The following ITGA8 variants were observed in gnomAD, a reference collection of about 807,000 sequenced individuals.
The protein encoded by ITGA8 is integrin alpha-8.
ITGA8 carries 91 observed loss-of-function variants against 142.3 expected under a neutral mutation model. The observed-to-expected ratio is 0.64, with a 90% confidence interval of 0.54 to 0.76. The LOEUF (loss-of-function observed/expected upper bound fraction) is 0.76, where lower values mean the gene tolerates loss of function less well. ITGA8 is among the 30% of genes least tolerant of loss of function. The pLI, the probability that ITGA8 is intolerant of heterozygous loss-of-function variation, is 0.00. For synonymous variants in ITGA8, 505 were observed against 485.2 expected, an observed-to-expected ratio of 1.04 and a Z score of -0.54; for missense variants, 1,406 against 1,327.7, an observed-to-expected ratio of 1.06 and a Z score of -0.92.
chr10:15,700,608 A>G (rs1004241343), intron 2 of ITGA8, among the ~76,000 whole-genome samples: 11 of 152,250 alleles, frequency 7.2e-5, no homozygotes, highest in Non-Finnish European at 1.5e-4. Context: ...AGCAGAAGAA[A>G]TAATCAGCAG....
chr10:15,684,352 A>G (rs1347679804), intron 3 of ITGA8, among the ~76,000 whole-genome samples: 3 of 152,086 alleles, frequency 2.0e-5, no homozygotes, highest in East Asian at 1.9e-4. Context: ...TGCAAAAAAA[A>G]ATGAGTTTTC....
At chr10:15,699,565 C>T (rs571903532) in intron 2 of ITGA8, among the ~76,000 whole-genome samples, 1 of 152,276 alleles carries the variant, frequency 6.6e-6, no homozygotes, top group Middle Eastern at 3.4e-3. Flanking sequence ...TTTATTTATC[C>T]ATTCCGTTTA....
intron 8 of ITGA8, among the ~76,000 whole-genome samples, chr10:15,663,500 T>C (rs2131674952): frequency 6.6e-6 from 1 of 152,282 alleles, no homozygotes; most frequent in African/African-American, 2.4e-5. Context: ...TTCCCTACAA[T>C]ATACTCTTGT....
intron 13 of ITGA8, among the ~76,000 whole-genome samples, chr10:15,618,589 C>T (rs1250656006): frequency 6.6e-6 from 1 of 152,124 alleles, no homozygotes; most frequent in African/African-American, 2.4e-5. Context: ...GGTCAGTGGA[C>T]TGGGAAAGGC....
intron 13 of ITGA8, among the ~76,000 whole-genome samples, chr10:15,626,083 G>A (rs1323131307): frequency 2.0e-5 from 3 of 152,208 alleles, no homozygotes; most frequent in African/African-American, 4.8e-5. Flanking sequence ...GATAAGATTA[G>A]GGTGGGGCAG....
chr10:15,546,583 G>A (rs76713575), intron 27 of ITGA8, among the ~76,000 whole-genome samples: 8,398 of 152,098 alleles, frequency 0.055, 751 homozygotes, highest in African/African-American at 0.19. Flanking sequence ...GTGCTGCTAA[G>A]TATCCTATAA....
intron 2 of ITGA8, among the ~76,000 whole-genome samples, chr10:15,707,401 C>T (rs1421522210): frequency 1.3e-5 from 2 of 152,124 alleles, no homozygotes; most frequent in African/African-American, 4.8e-5. Context: ...ATGTGGGTCA[C>T]CTGTAGGAGC....
chr10:15,634,338 T>C (rs1833734658), intron 13 of ITGA8, among the ~76,000 whole-genome samples: 1 of 151,898 alleles, frequency 6.6e-6, no homozygotes, highest in African/African-American at 2.4e-5. Flanking sequence ...TGCTACTAGA[T>C]GCTATTCACA....
chr10:15,556,652 C>T (rs1833894426), intron 26 of ITGA8, among the ~76,000 whole-genome samples: 1 of 152,156 alleles, frequency 6.6e-6, no homozygotes, highest in African/African-American at 2.4e-5. Flanking sequence ...GTAATGATCA[C>T]ATCAGGGTAA....
intron 2 of ITGA8, among the ~76,000 whole-genome samples, chr10:15,710,502 A>G (rs1342592335): frequency 1.3e-5 from 2 of 152,226 alleles, no homozygotes; most frequent in African/African-American, 4.8e-5. Flanking sequence ...ATAGGAGGAG[A>G]GAAGCCTGAA....
intron 2 of ITGA8, among the ~76,000 whole-genome samples, chr10:15,699,708 G>T (rs1055111776): frequency 6.6e-6 from 1 of 152,144 alleles, no homozygotes. Context: ...GACATTGCTG[G>T]GTCATAGAGA....
intron 25 of ITGA8, among the ~76,000 whole-genome samples, chr10:15,566,408 T>C (rs1350647856): frequency 6.6e-6 from 1 of 152,210 alleles, no homozygotes; most frequent in Non-Finnish European, 1.5e-5. Flanking sequence ...TAACATAGGT[T>C]ATATGTGGGC....
chr10:15,667,545 T>G (rs574271948), intron 8 of ITGA8, among the ~76,000 whole-genome samples: 1 of 152,220 alleles, frequency 6.6e-6, no homozygotes, highest in Admixed American at 6.5e-5. Flanking sequence ...CTTAGTTATT[T>G]CTTGCCTTCT....
At chr10:15,613,178 T>A (rs1162797567) in intron 15 of ITGA8, among the ~76,000 whole-genome samples, 119 of 18,898 alleles carry the variant, frequency 6.3e-3, no homozygotes, top group Middle Eastern at 0.056. Flanking sequence ...AAAAAATAAA[T>A]AAATAAATAA....
chr10:15,547,410 A>G (rs1833697862), intron 27 of ITGA8, among the ~76,000 whole-genome samples: 1 of 152,192 alleles, frequency 6.6e-6, no homozygotes, highest in Admixed American at 6.5e-5. Flanking sequence ...CATCTCTACT[A>G]AAAATACAAA....
intron 4 of ITGA8, among the ~76,000 whole-genome samples, chr10:15,681,652 C>T (rs1368833309): frequency 6.6e-6 from 1 of 152,164 alleles, no homozygotes; most frequent in Non-Finnish European, 1.5e-5. Context: ...CAAGGAGTGA[C>T]TAGTTTTATA....
chr10:15,685,519 CAGAT>C (rs1344751633), intron 3 of ITGA8, among the ~76,000 whole-genome samples: 5 of 152,112 alleles, frequency 3.3e-5, no homozygotes, highest in Non-Finnish European at 5.9e-5. Context: ...GCATGCCTAT[CAGAT>C]AGAAGTTGAA....
At chr10:15,589,836 C>T (rs535993578) in intron 22 of ITGA8, among the ~76,000 whole-genome samples, 3 of 148,612 alleles carry the variant, frequency 2.0e-5, no homozygotes, top group Admixed American at 6.8e-5. Context: ...AATCTTGACT[C>T]GCTGCAACCT....
chr10:15,520,312 C>G (rs544872794), intron 28 of ITGA8, among the ~76,000 whole-genome samples: 1 of 152,178 alleles, frequency 6.6e-6, no homozygotes, highest in Admixed American at 6.5e-5. Context: ...ACTCAGGAGG[C>G]TGACACACGA....
Sources: gnomAD v4.1 joint callset for allele counts (sites outside exome capture counted in the v4.1 genomes callset) on GRCh38, gnomAD v4.1.1 for gene constraint, MANE v1.5 for transcripts, NCBI Gene and HGNC (gene_info 2026-07-23, HGNC 2026-07-21) for gene names.